Variants in ST8SIA2 observed in about 807,000 individuals in gnomAD.
ST8SIA2 encodes ST8 alpha-N-acetyl-neuraminide alpha-2,8-sialyltransferase 2, also known as alpha-2,8-sialyltransferase 8B.
In ST8SIA2, 22 loss-of-function variants were observed where a neutral mutation model predicts 37.6. The ratio of observed to expected loss-of-function variants is 0.58; its 90% CI spans 0.42 to 0.83. ST8SIA2 has a LOEUF of 0.83. Among genes scored for constraint, ST8SIA2 ranks in the 40% least tolerant of loss-of-function variants. The probability of loss-of-function intolerance (pLI) is 0.00; values close to 1 mark genes in which losing one functional copy is unlikely to be tolerated. For missense variants in ST8SIA2, 382 were observed against 484.7 expected (o/e 0.79, Z 1.99); for synonymous variants, 205 against 201.2 (o/e 1.02, Z -0.16).
At chr15:92,402,829 T>G (rs1310372527) in intron 1 of ST8SIA2, among the ~76,000 whole-genome samples, 2 of 151,578 alleles carry the variant, frequency 1.3e-5, no homozygotes, top group Admixed American at 6.6e-5. Flanking sequence ...AGCATGGCAT[T>G]TGTTTGACCA....
At chr15:92,419,532 G>T (rs4777978) in intron 1 of ST8SIA2, among the ~76,000 whole-genome samples, 1 of 151,860 alleles carries the variant, frequency 6.6e-6, no homozygotes, top group Non-Finnish European at 1.5e-5. Context: ...GGTCTGGGGA[G>T]GGGGTGCTGA....
At chr15:92,440,126 C>T (rs976874308) in intron 4 of ST8SIA2, among the ~76,000 whole-genome samples, 1 of 152,182 alleles carries the variant, frequency 6.6e-6, no homozygotes, top group Non-Finnish European at 1.5e-5. Flanking sequence ...TAGTCAGCAG[C>T]GCACAGTCCA....
At chr15:92,447,190 C>T (rs552066009) in intron 5 of ST8SIA2, among the ~76,000 whole-genome samples, 7 of 152,072 alleles carry the variant, frequency 4.6e-5, no homozygotes, top group East Asian at 1.9e-4. Context: ...CAGGATTTGC[C>T]GGTGGATTCT....
In ST8SIA2 at chr15:92,465,761, G is replaced by A. The variant is rs1479186585; in HGVS notation, c.*1376G>A. The A allele has an allele frequency of 6.6e-6, 1 of 151,374 alleles. No individual in the cohort carries two copies. The highest frequency in any genetic ancestry group is 1.5e-5 in the Non-Finnish European group (1 of 67,922). 9.4% of individuals were successfully genotyped at this position (151,374 alleles called of 1,614,324 possible). ...TCCCCTTATTGAGATTAATATTTAA[G>A]ATTAAAAAAAAAATACCCAAAGCCA... is the stretch of plus-strand genomic sequence containing the variant. On this transcript the variant is annotated 3_prime_UTR_variant, in exon 6 of 6. Coordinates refer to ENST00000268164, the MANE Select transcript of ST8SIA2 (RefSeq NM_006011.4).
chr15:92,408,866 C>T (rs866841212), intron 1 of ST8SIA2, among the ~76,000 whole-genome samples: 23 of 152,062 alleles, frequency 1.5e-4, no homozygotes, highest in Non-Finnish European at 1.3e-4. Flanking sequence ...CCACCATGCC[C>T]GGCTAATTTT....
At chr15:92,432,346 C>G (rs1014962382) in intron 2 of ST8SIA2, among the ~76,000 whole-genome samples, 2 of 152,192 alleles carry the variant, frequency 1.3e-5, no homozygotes, top group African/African-American at 4.8e-5. Flanking sequence ...TTGGTGGTAT[C>G]AAAAGGATGC....
chr15:92,414,057 A>T (rs935105270), intron 1 of ST8SIA2, among the ~76,000 whole-genome samples: 2 of 152,194 alleles, frequency 1.3e-5, no homozygotes, highest in African/African-American at 4.8e-5. Context: ...GGACCCATTG[A>T]TTCTTCTTTG....
intron 4 of ST8SIA2, among the ~76,000 whole-genome samples, chr15:92,443,277 T>G (rs1158921980): frequency 6.6e-6 from 1 of 152,314 alleles, no homozygotes; most frequent in Non-Finnish European, 1.5e-5. Context: ...AAATCCTCTG[T>G]GCCAGACAGC....
intron 2 of ST8SIA2, among the ~76,000 whole-genome samples, chr15:92,434,003 G>A (rs911681304): frequency 1.3e-5 from 2 of 152,108 alleles, no homozygotes; most frequent in Non-Finnish European, 2.9e-5. Context: ...TAGGGGCAGG[G>A]GAAGAAGAAT....
intron 5 of ST8SIA2, among the ~76,000 whole-genome samples, chr15:92,460,277 G>A (rs1168576033): frequency 1.3e-5 from 2 of 152,214 alleles, no homozygotes; most frequent in African/African-American, 4.8e-5. Context: ...GGAGGAGGCT[G>A]TGAGAATCCC....
At chr15:92,417,858 T>C (rs936017527) in intron 1 of ST8SIA2, among the ~76,000 whole-genome samples, 13 of 152,200 alleles carry the variant, frequency 8.5e-5, no homozygotes, top group Non-Finnish European at 1.5e-4. Context: ...ATCCTTATAG[T>C]GTAATGTGAG....
intron 5 of ST8SIA2, among the ~76,000 whole-genome samples, chr15:92,460,399 G>A (rs1278786226): frequency 6.6e-6 from 1 of 152,206 alleles, no homozygotes; most frequent in African/African-American, 2.4e-5. Context: ...AATGCAATGG[G>A]CTAGTTTAGG....
chr15:92,428,068 C>T (rs1357847556), intron 1 of ST8SIA2, among the ~76,000 whole-genome samples: 1 of 152,096 alleles, frequency 6.6e-6, no homozygotes, highest in East Asian at 1.9e-4. Context: ...TGGTACTCGT[C>T]GTGATAATGT....
intron 5 of ST8SIA2, among the ~76,000 whole-genome samples, chr15:92,456,558 A>G (rs888139367): frequency 1.3e-5 from 2 of 152,224 alleles, no homozygotes; most frequent in Non-Finnish European, 2.9e-5. Context: ...GGGAAGAACA[A>G]CATACCGGAC....
At chr15:92,441,923 T>C (rs1208012137) in intron 4 of ST8SIA2, among the ~76,000 whole-genome samples, 1 of 152,126 alleles carries the variant, frequency 6.6e-6, no homozygotes, top group Non-Finnish European at 1.5e-5. Flanking sequence ...AAGCTGCCTC[T>C]CTCACCCTGC....
intron 3 of ST8SIA2, among the ~76,000 whole-genome samples, chr15:92,436,129 A>G (rs191137768): frequency 1.3e-5 from 2 of 152,276 alleles, no homozygotes; most frequent in East Asian, 3.9e-4. Flanking sequence ...TCCAGGATCT[A>G]ATCTCCAGAT....
At chr15:92,438,293 G>T in intron 3 of ST8SIA2, 60 bp from the exon 4 acceptor site, 1 of 1,613,962 alleles carries the variant, frequency 6.2e-7, no homozygotes, top group Non-Finnish European at 8.5e-7. Context: ...GGAAAAGCTG[G>T]GCTGGCAAAG....
rs1461771410 is a variant in ST8SIA2 at position 92,464,931 on chromosome 15, G to A, written c.*546G>A. 2 of 169,160 alleles carry A rather than the reference G, an allele frequency of 1.2e-5. No individual in the cohort carries two copies. The highest frequency in any genetic ancestry group is 2.4e-5 in the African/African-American group (1 of 41,616). The allele number at this position is 169,160 out of a possible 1,614,324, so 10.5% of individuals were successfully genotyped here. A position where few individuals can be genotyped will look rare whatever the true frequency, so the allele number is the denominator to read the frequency against. ...AGCACAAGGAAACCAAGCAGCAGAG[G>A]CCCCATCAGCACAGAGGGCCTCGTT... On this transcript the variant is annotated 3_prime_UTR_variant, in exon 6 of 6. Coordinates refer to ENST00000268164, the MANE Select transcript of ST8SIA2 (RefSeq NM_006011.4).
At chr15:92,416,865 G>A (rs969200486) in intron 1 of ST8SIA2, among the ~76,000 whole-genome samples, 2 of 152,182 alleles carry the variant, frequency 1.3e-5, no homozygotes, top group Admixed American at 1.3e-4. Context: ...ATCCATGAAA[G>A]CTGCAGGGGC....
Sources: allele counts gnomAD v4.1 joint callset (sites outside exome capture counted in the v4.1 genomes callset), GRCh38; gene constraint gnomAD v4.1.1; transcripts MANE v1.5; gene names NCBI Gene and HGNC (gene_info 2026-07-23, HGNC 2026-07-21).